The following CAMKMT variants were observed in gnomAD, a reference collection of about 807,000 sequenced individuals.
CAMKMT encodes calmodulin-lysine N-methyltransferase.
In CAMKMT, 53 loss-of-function variants were observed where a neutral mutation model predicts 48.0. The ratio of observed to expected loss-of-function variants is 1.10; its 90% CI spans 0.89 to 1.39. The LOEUF (loss-of-function observed/expected upper bound fraction) is 1.39, where lower values mean the gene tolerates loss of function less well. Among genes scored for constraint, CAMKMT ranks in the 40% most tolerant of loss-of-function variants. The pLI is 0.00. For missense variants in CAMKMT, 428 were observed against 402.7 expected (o/e 1.06, Z -0.54); for synonymous variants, 165 against 152.3 (o/e 1.08, Z -0.61).
intron 7 of CAMKMT, among the ~76,000 whole-genome samples, chr2:44,727,484 A>G (rs1228918856): frequency 1.3e-5 from 2 of 152,222 alleles, no homozygotes; most frequent in East Asian, 1.9e-4. Flanking sequence ...AAACTTTACT[A>G]AAGTCATTTA....
chr2:44,620,266 T>C (rs764429980), intron 3 of CAMKMT, among the ~76,000 whole-genome samples: 3 of 152,156 alleles, frequency 2.0e-5, no homozygotes, highest in African/African-American at 7.2e-5. Flanking sequence ...TGTCCTTTGA[T>C]ACTTTTTTTT....
intron 3 of CAMKMT, among the ~76,000 whole-genome samples, chr2:44,619,958 A>G (rs889682707): frequency 6.6e-6 from 1 of 152,166 alleles, no homozygotes; most frequent in Non-Finnish European, 1.5e-5. Context: ...CCAGTAAGTG[A>G]CAACCCATGC....
At chr2:44,406,172 G>A (rs181792418) in intron 3 of CAMKMT, among the ~76,000 whole-genome samples, 1 of 152,246 alleles carries the variant, frequency 6.6e-6, no homozygotes, top group Non-Finnish European at 1.5e-5. Flanking sequence ...TGACAGTTGG[G>A]CATTTCTTTT....
chr2:44,590,260 A>G (rs2103813316), intron 3 of CAMKMT, among the ~76,000 whole-genome samples: 1 of 152,224 alleles, frequency 6.6e-6, no homozygotes, highest in East Asian at 1.9e-4. Context: ...TATTGGAGTA[A>G]TGCTTTCTTC....
At chr2:44,759,875 A>C (rs531158686) in intron 9 of CAMKMT, among the ~76,000 whole-genome samples, 53 of 152,206 alleles carry the variant, frequency 3.5e-4, no homozygotes, top group Non-Finnish European at 5.9e-4. Flanking sequence ...TATAACATAC[A>C]CACAGGTAGA....
At chr2:44,473,063 A>G (rs1668507109) in intron 3 of CAMKMT, among the ~76,000 whole-genome samples, 4 of 152,186 alleles carry the variant, frequency 2.6e-5, no homozygotes, top group Admixed American at 1.3e-4. Context: ...GTTTCTTTCA[A>G]TTCCTTCCGG....
At chr2:44,399,107 C>T (rs1378855362) in intron 3 of CAMKMT, among the ~76,000 whole-genome samples, 1 of 152,136 alleles carries the variant, frequency 6.6e-6, no homozygotes, top group Non-Finnish European at 1.5e-5. Flanking sequence ...TCTGCTTGTC[C>T]TGGTATACTG....
intron 2 of CAMKMT, among the ~76,000 whole-genome samples, chr2:44,380,079 G>A (rs1238533407): frequency 6.6e-6 from 1 of 151,802 alleles, no homozygotes; most frequent in Non-Finnish European, 1.5e-5. Flanking sequence ...CAACCTCTTG[G>A]CATGTTTAGG....
rs561711135 is a variant in CAMKMT at position 44,383,834 on chromosome 2, G to GTA, written c.312-6394_312-6393dup. On this transcript the variant is annotated intron_variant, in intron 2 of 10. Transcript: ENST00000378494. ...TCATTCCTTTGTGTAGTATTCCATT[G>GTA]TATATATATATATACCACAGTTTCT... 8.0e-3 allele frequency among the ~76,000 whole-genome samples: 1,209 copies of GTA among 151,210 alleles called. 10 individuals are homozygous for GTA. The highest frequency in any genetic ancestry group is 0.019 in the African/African-American group (770 of 41,256).
At chr2:44,386,996 G>T (rs374601995) in intron 2 of CAMKMT, among the ~76,000 whole-genome samples, 1 of 152,106 alleles carries the variant, frequency 6.6e-6, no homozygotes, top group South Asian at 2.1e-4. Context: ...TTCTGCAGTT[G>T]TTGGACAAAA....
At chr2:44,420,549 G>A (rs1200540642) in intron 3 of CAMKMT, among the ~76,000 whole-genome samples, 1 of 151,734 alleles carries the variant, frequency 6.6e-6, no homozygotes, top group East Asian at 1.9e-4. Flanking sequence ...TCAAACATGT[G>A]TTGTTCAAGA....
rs1488123497 is a variant in CAMKMT at position 44,771,950 on chromosome 2, T to G, written c.895-86T>G. On this transcript the variant is annotated intron_variant, in intron 10 of 10. Coordinates refer to ENST00000378494, the MANE Select transcript of CAMKMT (RefSeq NM_024766.5). ...AGAACTATATATTTTGGTGTAAAAGTCATCATGATACTCAACATTAATATT... is the reference window on the plus strand; with the variant it reads ...AGAACTATATATTTTGGTGTAAAAGGCATCATGATACTCAACATTAATATT... 1.6e-5 allele frequency: 15 copies of G among 915,152 alleles called. No homozygotes were observed. The East Asian group carries it at 3.6e-4, about 22-fold the overall frequency. 56.7% of individuals were successfully genotyped at this position (915,152 alleles called of 1,614,324 possible).
chr2:44,601,818 C>T (rs1671009947), intron 3 of CAMKMT, among the ~76,000 whole-genome samples: 1 of 151,792 alleles, frequency 6.6e-6, no homozygotes, highest in Non-Finnish European at 1.5e-5. Flanking sequence ...ATTTTTCCTA[C>T]TAAGAAGGAC....
chr2:44,648,376 A>G (rs920081246), intron 3 of CAMKMT, among the ~76,000 whole-genome samples: 37 of 152,150 alleles, frequency 2.4e-4, no homozygotes, highest in African/African-American at 7.5e-4. Context: ...ATGCATGATT[A>G]TTTATTAAAT....
chr2:44,715,495 T>A, intron 7 of CAMKMT, 142 bp downstream of exon 7: 1 of 627,244 alleles, frequency 1.6e-6, no homozygotes. Context: ...TTACAAGTAT[T>A]ATCTCATTTA....
chr2:44,742,068 A>G (rs1679707595), intron 7 of CAMKMT, among the ~76,000 whole-genome samples: 1 of 152,016 alleles, frequency 6.6e-6, no homozygotes, highest in Non-Finnish European at 1.5e-5. Flanking sequence ...CATCTTGCTC[A>G]TGGTTCAAGT....
intron 1 of CAMKMT, among the ~76,000 whole-genome samples, chr2:44,362,713 A>T (rs533131537): frequency 3.3e-5 from 5 of 152,274 alleles, no homozygotes; most frequent in African/African-American, 1.2e-4. Flanking sequence ...TTAAATGATT[A>T]TCTTGTAGTT....
chr2:44,448,231 G>A (rs1005196764), intron 3 of CAMKMT, among the ~76,000 whole-genome samples: 1 of 152,008 alleles, frequency 6.6e-6, no homozygotes, highest in East Asian at 1.9e-4. Context: ...CCTTACGCAC[G>A]GGTTTGCATC....
chr2:44,637,951 G>C (rs915146633), intron 3 of CAMKMT, among the ~76,000 whole-genome samples: 5 of 151,628 alleles, frequency 3.3e-5, no homozygotes, highest in African/African-American at 1.2e-4. Context: ...TGTAGTCCCG[G>C]CTACTTGGGA....
Sources: gnomAD v4.1 joint callset for allele counts (sites outside exome capture counted in the v4.1 genomes callset) on GRCh38, gnomAD v4.1.1 for gene constraint, MANE v1.5 for transcripts, NCBI Gene and HGNC (gene_info 2026-07-23, HGNC 2026-07-21) for gene names.